Variants in TEF observed in about 807,000 individuals in gnomAD.
TEF encodes TEF transcription factor, PAR bZIP family member.
A neutral mutation model predicts 20.8 loss-of-function variants in TEF; 3 were observed. That is an observed-to-expected ratio of 0.14 (90% confidence interval 0.07 to 0.37). TEF has a LOEUF of 0.37. TEF is among the 10% of genes least tolerant of loss of function. TEF has a pLI of 1.00. For missense variants in TEF, 296 were observed against 397.9 expected (o/e 0.74, Z 2.18); for synonymous variants, 180 against 171.1 (o/e 1.05, Z -0.41).
At chr22:41,395,633 C>A (rs906671565) in intron 3 of TEF, 112 bp from the exon 4 acceptor site, 2 of 1,087,264 alleles carry the variant, frequency 1.8e-6, no homozygotes, top group Admixed American at 2.1e-5. Flanking sequence ...GGTATCCCTG[C>A]TTTAGCTCTG....
chr22:41,367,849 G>A (rs1425077107), intron 1 of TEF, among the ~76,000 whole-genome samples: 1 of 152,178 alleles, frequency 6.6e-6, no homozygotes, highest in African/African-American at 2.4e-5. Context: ...ACTGACAGGT[G>A]CTGTGCTCAT....
At chr22:41,385,334 T>A (rs566663809) in intron 1 of TEF, among the ~76,000 whole-genome samples, 1 of 152,098 alleles carries the variant, frequency 6.6e-6, no homozygotes, top group Non-Finnish European at 1.5e-5. Flanking sequence ...CACTCCAGTC[T>A]GGGCAACAAG....
At chr22:41,373,395 T>C (rs78898212) in intron 1 of TEF, among the ~76,000 whole-genome samples, 1,929 of 152,342 alleles carry the variant, frequency 0.013, 44 homozygotes, top group African/African-American at 0.044. Context: ...AATAGCTTAT[T>C]GTTGATGGGA....
chr22:41,390,567 A>G (rs1320098501), intron 2 of TEF, among the ~76,000 whole-genome samples: 2 of 125,572 alleles, frequency 1.6e-5, no homozygotes, highest in African/African-American at 3.2e-5. Flanking sequence ...CAGTGGTGCG[A>G]TCTCGGCTCC....
chr22:41,389,366 A>C lies in TEF; in HGVS notation c.475+1698A>C, dbSNP rs1478558613. Among the ~76,000 whole-genome samples, 5 of 152,106 alleles carry C rather than the reference A, an allele frequency of 3.3e-5. No homozygotes were observed. In the East Asian group the frequency reaches 9.7e-4, roughly 29 times the overall value. ...CAGTGAACCGAGATTGCACCACTGC[A>C]CTCCAGCCTGGGCGACAGAGCAAGA... On this transcript the variant is annotated intron_variant, in intron 2 of 3. Coordinates refer to ENST00000266304, the MANE Select transcript of TEF (RefSeq NM_003216.4).
In TEF at chr22:41,387,688, G is replaced by T. The variant is rs1421571465; in HGVS notation, c.475+20G>T. The T allele has an allele frequency of 5.0e-6, 8 of 1,594,620 alleles. No homozygotes were observed. Among genetic ancestry groups the T allele is most frequent in the Non-Finnish European group, 6.0e-6 (7 of 1,169,146 alleles). On this transcript the variant is annotated intron_variant, in intron 2 of 3. Transcript: ENST00000266304. The stretch of plus-strand genomic sequence containing the variant: ...GCACAGGTTGGTGAAAGGCCATCGA[G>T]GAGGGCCACCTGTCCCATCCAGGGA...
chr22:41,382,561 G>A (rs1190118704), intron 1 of TEF, among the ~76,000 whole-genome samples: 2 of 152,162 alleles, frequency 1.3e-5, no homozygotes, highest in Non-Finnish European at 2.9e-5. Flanking sequence ...CCAATCTGCG[G>A]TCACTGGGAC....
chr22:41,385,112 C>A (rs562738398), intron 1 of TEF, among the ~76,000 whole-genome samples: 1 of 152,192 alleles, frequency 6.6e-6, no homozygotes, highest in Admixed American at 6.5e-5. Flanking sequence ...GCCTGTAATC[C>A]CAGCACTTTG....
chr22:41,374,333 A>G (rs2036915093), intron 1 of TEF, among the ~76,000 whole-genome samples: 1 of 151,944 alleles, frequency 6.6e-6, no homozygotes, highest in African/African-American at 2.4e-5. Flanking sequence ...AGTGGATCAC[A>G]AGGTCAGGAG....
chr22:41,369,160 TCCTCAGATGAGGATAAC>T (rs1184099856), intron 1 of TEF: 44 of 985,194 alleles, frequency 4.5e-5, no homozygotes, highest in Non-Finnish European at 5.2e-5. Context: ...GGGGCACTGC[TCCTCAGATGAGGATAAC>T]AAGGCCTTTG....
intron 2 of TEF, among the ~76,000 whole-genome samples, chr22:41,391,387 G>A (rs2037163678): frequency 6.8e-6 from 1 of 148,060 alleles, no homozygotes; most frequent in Admixed American, 6.7e-5. Context: ...GTGCAGTGGT[G>A]TGATCTCAGC....
At chr22:41,380,352 C>T (rs1239010199), upstream of TEF, among the ~76,000 whole-genome samples, 1 of 152,172 alleles carries the variant, frequency 6.6e-6, no homozygotes, top group African/African-American at 2.4e-5. Context: ...GTCGGAGTTT[C>T]GCCCTGTTGG....
chr22:41,397,412 T>C lies in TEF; in HGVS notation c.*1452T>C, dbSNP rs1251851415. 5 of 279,868 alleles carry C rather than the reference T, an allele frequency of 1.8e-5. No individual in the cohort carries two copies. The highest frequency in any genetic ancestry group is 2.2e-5 in the African/African-American group (1 of 45,928). The allele number at this position is 279,868 out of a possible 1,614,324, so 17.3% of individuals were successfully genotyped here. On this transcript the variant is annotated 3_prime_UTR_variant, in exon 4 of 4. Transcript: ENST00000266304. Reference sequence around the variant, plus strand: ...CCCTGAGATGGGTGTGTTTATTTGCTCAGGGCGGGCAGCCTATGGTGAAGA... The same window carrying C: ...CCCTGAGATGGGTGTGTTTATTTGCCCAGGGCGGGCAGCCTATGGTGAAGA...
At chr22:41,394,755 C>T (rs541042820) in intron 3 of TEF, among the ~76,000 whole-genome samples, 131 of 152,338 alleles carry the variant, frequency 8.6e-4, no homozygotes, top group Non-Finnish European at 1.7e-3. Flanking sequence ...TTGCAGTTTT[C>T]CATCCTTTCC....
chr22:41,377,760 C>G (rs922914134), upstream of TEF, among the ~76,000 whole-genome samples: 2 of 152,218 alleles, frequency 1.3e-5, no homozygotes, highest in African/African-American at 4.8e-5. Flanking sequence ...CATCTACCCT[C>G]TGGTTATCCA....
At chr22:41,374,455 G>A (rs2036916272) in intron 1 of TEF, among the ~76,000 whole-genome samples, 1 of 151,954 alleles carries the variant, frequency 6.6e-6, no homozygotes, top group Admixed American at 6.6e-5. Context: ...GGTAGGCTGA[G>A]GCAGGAGAAT....
In TEF at chr22:41,397,428, A is replaced by G. The variant is rs1036564480; in HGVS notation, c.*1468A>G. On this transcript the variant is annotated 3_prime_UTR_variant, in exon 4 of 4. Coordinates refer to ENST00000266304, the MANE Select transcript of TEF (RefSeq NM_003216.4). ...TTTATTTGCTCAGGGCGGGCAGCCT[A>G]TGGTGAAGAGGAGACAGAGGCGATG... 1.2e-5 allele frequency: 3 copies of G among 251,148 alleles called. No homozygotes were observed. Among genetic ancestry groups the G allele is most frequent in the Non-Finnish European group, 2.3e-5 (3 of 132,538 alleles). 15.6% of individuals were successfully genotyped at this position (251,148 alleles called of 1,614,324 possible).
Position 41,387,455 on chromosome 22 carries a change from C to G in TEF, c.262C>G (p.Pro88Ala). The change falls in exon 2 of 4, where the codon CCA becomes GCA. Residue 88 changes from proline (P) to alanine (A), a missense_variant. Pro to Ala is a conservative substitution (Grantham distance 27). Around this residue, in one of 2 missense-constraint regions of TEF, gnomAD observed 194 missense variants for 317.8 expected, o/e 0.61. Transcript: ENST00000266304. ...GCCACCCATCTGGGACAAGACCATC[C>G]CATATGATGGCGAATCTTTCCACCT... Reference protein sequence around the residue: ...LMPPIWDKTIPYDGESFHLEY... With the variant: ...LMPPIWDKTIAYDGESFHLEY... 6.2e-7 allele frequency: 1 copy of G among 1,614,226 alleles called. No individual in the cohort carries two copies. The highest frequency in any genetic ancestry group is 8.5e-7 in the Non-Finnish European group (1 of 1,180,042).
Position 41,396,028 on chromosome 22 carries a change from C to T in TEF, c.*68C>T, listed in dbSNP as rs932332105. The T allele has an allele frequency of 1.3e-6, 2 of 1,518,060 alleles. No homozygotes were observed. Among genetic ancestry groups the T allele is most frequent in the African/African-American group, 2.8e-5 (2 of 72,710 alleles). The allele number at this position is 1,518,060 out of a possible 1,614,324, so 94.0% of individuals were successfully genotyped here. A position where few individuals can be genotyped will look rare whatever the true frequency, so the allele number is the denominator to read the frequency against. On this transcript the variant is annotated 3_prime_UTR_variant, in exon 4 of 4. Transcript: ENST00000266304. Reference sequence around the variant, plus strand: ...CCTCTGCCTGGGGGCTCCCTGTAACCCCTCACACGCGTGGAGACTTATGAC... The same window carrying T: ...CCTCTGCCTGGGGGCTCCCTGTAACTCCTCACACGCGTGGAGACTTATGAC...
Sources: gnomAD v4.1 joint callset for allele counts (sites outside exome capture counted in the v4.1 genomes callset) on GRCh38, gnomAD v4.1.1 for gene constraint, gnomAD v4.1.1 regional missense constraint, MANE v1.5 for transcripts, NCBI Gene and HGNC (gene_info 2026-07-23, HGNC 2026-07-21) for gene names.